Variants in RBFOX1 observed in about 807,000 individuals in gnomAD.
RBFOX1 encodes the protein RNA binding fox-1 homolog 1.
RBFOX1 carries 8 observed loss-of-function variants against 57.7 expected under a neutral mutation model. The ratio of observed to expected loss-of-function variants is 0.14; its 90% CI spans 0.08 to 0.25. The LOEUF is 0.25. Ranked by LOEUF, RBFOX1 falls within the 10% of genes least tolerant of loss-of-function variation. The probability of loss-of-function intolerance (pLI) is 1.00; values close to 1 mark genes in which losing one functional copy is unlikely to be tolerated. For missense variants in RBFOX1, 611 were observed against 548.5 expected, an observed-to-expected ratio of 1.11 and a Z score of -1.14; for synonymous variants, 326 against 222.4, an observed-to-expected ratio of 1.47 and a Z score of -4.15.
chr16:7,139,184 G>GTGTGTGTA (rs2072932616), intron 4 of RBFOX1, among the ~76,000 whole-genome samples: 1 of 99,324 alleles, frequency 1.0e-5, no homozygotes, highest in Non-Finnish European at 2.3e-5. Context: ...CTCTGTGTGT[G>GTGTGTGTA]TGTGTGTGTG....
At chr16:7,558,992 A>T (rs2089596683) in intron 5 of RBFOX1, among the ~76,000 whole-genome samples, 1 of 152,152 alleles carries the variant, frequency 6.6e-6, no homozygotes, top group East Asian at 1.9e-4. Flanking sequence ...AAATTATTTT[A>T]TAGTTTTATT....
At chr16:6,863,239 G>C (rs1216422731) in intron 3 of RBFOX1, among the ~76,000 whole-genome samples, 1 of 152,116 alleles carries the variant, frequency 6.6e-6, no homozygotes, top group Non-Finnish European at 1.5e-5. Flanking sequence ...CAACCTAAAG[G>C]CAAGACCCTC....
At chr16:7,053,481 T>C (rs1426622387) in intron 4 of RBFOX1, among the ~76,000 whole-genome samples, 1 of 152,214 alleles carries the variant, frequency 6.6e-6, no homozygotes, top group Admixed American at 6.5e-5. Flanking sequence ...ATGGGGACGA[T>C]GGTCAGAACT....
At chr16:5,739,496 T>C (rs1292145555) in intron 3 of RBFOX1, among the ~76,000 whole-genome samples, 4 of 152,228 alleles carry the variant, frequency 2.6e-5, no homozygotes, top group African/African-American at 9.6e-5. Context: ...AAAGAAAGCA[T>C]AAGAGTACTT....
At chr16:6,199,923 C>G (rs1438830579) in intron 1 of RBFOX1, among the ~76,000 whole-genome samples, 2 of 152,168 alleles carry the variant, frequency 1.3e-5, no homozygotes, top group African/African-American at 4.8e-5. Context: ...TGCGAACACT[C>G]ATGAGCACAG....
intron 1 of RBFOX1, among the ~76,000 whole-genome samples, chr16:5,439,005 G>C (rs1486501617): frequency 7.0e-6 from 1 of 143,308 alleles, no homozygotes; most frequent in South Asian, 2.5e-4. Context: ...TATTGTGAAG[G>C]AAACAGAATG....
chr16:7,330,525 T>TAGAGAG (rs138727480), intron 4 of RBFOX1, among the ~76,000 whole-genome samples: 1 of 132,906 alleles, frequency 7.5e-6, no homozygotes, highest in Admixed American at 7.6e-5. Flanking sequence ...TGTGTGTGTG[T>TAGAGAG]AGAGAGAGAG....
chr16:6,333,122 C>T (rs914561302), intron 2 of RBFOX1, among the ~76,000 whole-genome samples: 2 of 152,180 alleles, frequency 1.3e-5, no homozygotes, highest in Admixed American at 6.5e-5. Flanking sequence ...TCAATGCAGC[C>T]TCTGTCTCCC....
chr16:6,323,929 T>C (rs79657609), intron 2 of RBFOX1, among the ~76,000 whole-genome samples: 4,638 of 152,216 alleles, frequency 0.03, 218 homozygotes, highest in African/African-American at 0.1. Flanking sequence ...TGTGCCATCA[T>C]GCTCAGCTAG....
chr16:7,331,310 A>C (rs1254698395), intron 4 of RBFOX1, among the ~76,000 whole-genome samples: 2 of 152,206 alleles, frequency 1.3e-5, no homozygotes, highest in Non-Finnish European at 2.9e-5. Context: ...TGTCCTGTTT[A>C]GAGTGAGCAG....
At chr16:6,874,347 C>G (rs1387254659) in intron 3 of RBFOX1, among the ~76,000 whole-genome samples, 1 of 151,698 alleles carries the variant, frequency 6.6e-6, no homozygotes, top group South Asian at 2.1e-4. Context: ...TGCATCTCCA[C>G]TAAAAATACA....
At chr16:6,803,013 C>G (rs181863476) in intron 3 of RBFOX1, among the ~76,000 whole-genome samples, 1 of 152,144 alleles carries the variant, frequency 6.6e-6, no homozygotes, top group African/African-American at 2.4e-5. Context: ...TTTTAGCTGC[C>G]TTGCTACTAG....
intron 1 of RBFOX1, among the ~76,000 whole-genome samples, chr16:6,198,057 C>T (rs1365037249): frequency 2.0e-5 from 3 of 152,188 alleles, no homozygotes; most frequent in Non-Finnish European, 4.4e-5. Context: ...TTAACTAATA[C>T]TTACCTGACG....
rs2073295791 is a variant in RBFOX1, at chr16:7,140,157, C to CTCTCTCTCT, written c.27+88059_27+88060insTCTCTCTCT. ...CATTCTCTTATTCTCTCCTTCTCTCCCTCTCTCTCTCTCTCTCTCTCTCTC... is the reference window on the plus strand; with the variant it reads ...CATTCTCTTATTCTCTCCTTCTCTCCTCTCTCTCTCTCTCTCTCTCTCTCTCTCTCTCTC... On this transcript the variant is annotated intron_variant, in intron 4 of 15. Transcript: ENST00000550418. Among the ~76,000 whole-genome samples the CTCTCTCTCT allele has an allele frequency of 2.8e-4, 20 of 70,886 alleles. 1 individual carries two copies. Among genetic ancestry groups the CTCTCTCTCT allele is most frequent in the African/African-American group, 7.7e-4 (13 of 16,900 alleles). 46.5% of individuals were successfully genotyped at this position (70,886 alleles called of 152,430 possible). A position where few individuals can be genotyped will look rare whatever the true frequency, so the allele number is the denominator to read the frequency against.
intron 4 of RBFOX1, among the ~76,000 whole-genome samples, chr16:7,305,074 G>A (rs1409824680): frequency 6.6e-6 from 1 of 151,498 alleles, no homozygotes; most frequent in Non-Finnish European, 1.5e-5. Flanking sequence ...TGTGAAGAAG[G>A]TGAGCTGTTT....
At chr16:5,456,169 A>G (rs1359229909) in intron 1 of RBFOX1, among the ~76,000 whole-genome samples, 1 of 152,126 alleles carries the variant, frequency 6.6e-6, no homozygotes, top group East Asian at 1.9e-4. Context: ...AAAACTTACA[A>G]TACCTTAAGC....
At chr16:6,995,290 TTGTGTGTGTG>T (rs57039390) in intron 3 of RBFOX1, among the ~76,000 whole-genome samples, 6,507 of 138,388 alleles carry the variant, frequency 0.047, 176 homozygotes, top group Non-Finnish European at 0.066. Flanking sequence ...GAAAGTAGCC[TTGTGTGTGTG>T]TGTGTGTGTG....
intron 4 of RBFOX1, among the ~76,000 whole-genome samples, chr16:7,504,716 T>C (rs2072217131): frequency 1.9e-4 from 1 of 5,258 alleles, no homozygotes; most frequent in Non-Finnish European, 3.7e-4. Flanking sequence ...AGATTATATA[T>C]ATATATATAT....
intron 4 of RBFOX1, among the ~76,000 whole-genome samples, chr16:7,129,525 T>C (rs142480322): frequency 6.6e-5 from 10 of 152,294 alleles, no homozygotes; most frequent in African/African-American, 2.4e-4. Context: ...CTTGCCATGA[T>C]ACTCTTGGAT....
Sources: gnomAD v4.1 joint callset for allele counts (sites outside exome capture counted in the v4.1 genomes callset) on GRCh38, gnomAD v4.1.1 for gene constraint, MANE v1.5 for transcripts, NCBI Gene and HGNC (gene_info 2026-07-23, HGNC 2026-07-21) for gene names.